Variants in BRF1 observed in about 807,000 individuals in gnomAD.
BRF1 encodes transcription factor IIIB 90 kDa subunit.
In BRF1, 59 loss-of-function variants were observed where a neutral mutation model predicts 81.7. The observed-to-expected ratio is 0.72, with a 90% CI of 0.59 to 0.90. BRF1 has a LOEUF of 0.90. Among genes scored for constraint, BRF1 ranks in the 40% least tolerant of loss-of-function variants. BRF1 has a pLI of 0.00. For synonymous variants in BRF1, 491 were observed against 395.6 expected, an observed-to-expected ratio of 1.24 and a Z score of -2.86; for missense variants, 1,050 against 936.3, an observed-to-expected ratio of 1.12 and a Z score of -1.58.
At chr14:105,288,176 C>G (rs587700800) in intron 1 of BRF1, among the ~76,000 whole-genome samples, 1 of 152,182 alleles carries the variant, frequency 6.6e-6, no homozygotes, top group Non-Finnish European at 1.5e-5. Context: ...GTAGAAGGTC[C>G]GGGCGCGGTG....
chr14:105,228,959 G>T, intron 6 of BRF1, 46 bp from the exon 7 acceptor site: 1 of 1,576,436 alleles, frequency 6.3e-7, no homozygotes. Context: ...CTGGGAACCA[G>T]GGCAACATCT....
At chr14:105,219,906 G>T (rs999618482) in intron 12 of BRF1, 163 bp downstream of exon 12, 10 of 733,916 alleles carry the variant, frequency 1.4e-5, no homozygotes, top group Non-Finnish European at 2.0e-5. Context: ...GAGTGTGGGG[G>T]GGGGTCCCGG....
intron 5 of BRF1, among the ~76,000 whole-genome samples, chr14:105,246,229 A>T (rs1292473754): frequency 6.6e-6 from 1 of 150,752 alleles, no homozygotes; most frequent in African/African-American, 2.4e-5. Context: ...CAAAAAAAAA[A>T]GGCAAAGCCC....
intron 5 of BRF1, among the ~76,000 whole-genome samples, chr14:105,246,213 C>T (rs921557567): frequency 1.4e-5 from 2 of 144,092 alleles, no homozygotes; most frequent in Non-Finnish European, 3.1e-5. Flanking sequence ...GAGTAAGACT[C>T]TGTCTCAAAA....
At chr14:105,289,706 G>A (rs1595475006) in intron 1 of BRF1, among the ~76,000 whole-genome samples, 1 of 152,174 alleles carries the variant, frequency 6.6e-6, no homozygotes, top group African/African-American at 2.4e-5. Flanking sequence ...TGCGATCTCG[G>A]CTCACTGCAA....
At position 105,248,563 on chromosome 14, in the gene BRF1, A is replaced by G. The variant is rs1227281327; in HGVS notation, c.544+3944T>C. On this transcript the variant is annotated intron_variant, in intron 5 of 17. Coordinates refer to ENST00000547530, the MANE Select transcript of BRF1 (RefSeq NM_001519.4). ...GTGACGCACCGGCGCCGCGGCGGGT[A>G]CGGGCTCGGGCGGGCGGGCGGGCGG... The G allele has an allele frequency of 7.3e-4, 193 of 263,596 alleles. No individual in the cohort carries two copies. The East Asian group carries it at 0.01, about 14-fold the overall frequency. 16.3% of individuals were successfully genotyped at this position (263,596 alleles called of 1,614,324 possible). A position where few individuals can be genotyped will look rare whatever the true frequency, so the allele number is the denominator to read the frequency against.
chr14:105,249,503 AC>A, intron 5 of BRF1: 1 of 1,455,260 alleles, frequency 6.9e-7, no homozygotes, highest in Non-Finnish European at 9.6e-7. Flanking sequence ...CTGGGGAGGG[AC>A]GGGTGGGTCC....
chr14:105,314,473 C>CGCCCCGGGCGGGGT (rs1456422512), intron 1 of BRF1: 269 of 149,572 alleles, frequency 1.8e-3, no homozygotes, highest in African/African-American at 6.4e-3. Flanking sequence ...CGGGGCGGGG[C>CGCCCCGGGCGGGGT]GCCCCGGGCG....
rs1266216842 is a variant in BRF1 at position 105,271,108 on chromosome 14, T to C, written c.439+1613A>G. Among the ~76,000 whole-genome samples the C allele has an allele frequency of 6.6e-6, 1 of 152,196 alleles. No homozygotes were observed. The highest frequency in any genetic ancestry group is 1.5e-5 in the Non-Finnish European group (1 of 68,032). The stretch of plus-strand genomic sequence containing the variant: ...AAAACATGAAAGAAATGAAACAGCC[T>C]GCTGGAAGCTAAAGTTCAGGTGCTG... On this transcript the variant is annotated intron_variant, in intron 3 of 17. Transcript: ENST00000547530. This position sits in a 1 kb window ranked among gnomAD's most constrained non-coding sequence, Gnocchi z 5.5.
chr14:105,298,667 G>A (rs915617479), intron 1 of BRF1, among the ~76,000 whole-genome samples: 4 of 150,222 alleles, frequency 2.7e-5, no homozygotes, highest in Non-Finnish European at 3.0e-5. Context: ...CCAGCCTGAC[G>A]AACAGGGTGA....
intron 2 of BRF1, among the ~76,000 whole-genome samples, chr14:105,280,382 G>A (rs2057019589): frequency 6.6e-6 from 1 of 152,242 alleles, no homozygotes; most frequent in African/African-American, 2.4e-5. Context: ...AAGGAGGGAT[G>A]AATGGGTGGA....
At chr14:105,268,126 C>T (rs145408434) in intron 3 of BRF1, among the ~76,000 whole-genome samples, 66 of 152,400 alleles carry the variant, frequency 4.3e-4, no homozygotes, top group Admixed American at 1.2e-3. Flanking sequence ...TGCCCTCTCA[C>T]ATGCAGGCCT....
intron 1 of BRF1, among the ~76,000 whole-genome samples, chr14:105,306,940 T>TG: frequency 6.6e-6 from 1 of 152,022 alleles, no homozygotes; most frequent in South Asian, 2.1e-4. Flanking sequence ...TTTGACATCT[T>TG]GGGGTCTCGT....
intron 1 of BRF1, among the ~76,000 whole-genome samples, chr14:105,288,098 G>A (rs587685436): frequency 6.6e-6 from 1 of 152,304 alleles, no homozygotes; most frequent in South Asian, 2.1e-4. Flanking sequence ...GTCACAACTG[G>A]GATCTATGTA....
Position 105,249,016 on chromosome 14 carries a change from C to G in BRF1, c.544+3491G>C, listed in dbSNP as rs1408264451. On this transcript the variant is annotated intron_variant, in intron 5 of 17. Coordinates refer to ENST00000547530, the MANE Select transcript of BRF1 (RefSeq NM_001519.4). Reference sequence around the variant, plus strand: ...GCGCCGCCGCCGCCCGCGCCCGCGCCGCCCACACTCGGCAACAACCACCAG... The same window carrying G: ...GCGCCGCCGCCGCCCGCGCCCGCGCGGCCCACACTCGGCAACAACCACCAG... The G allele has an allele frequency of 7.1e-6, 8 of 1,123,966 alleles. No homozygotes were observed. Among genetic ancestry groups the G allele is most frequent in the Non-Finnish European group, 8.7e-6 (8 of 920,856 alleles). 69.6% of individuals were successfully genotyped at this position (1,123,966 alleles called of 1,614,324 possible). A position where few individuals can be genotyped will look rare whatever the true frequency, so the allele number is the denominator to read the frequency against.
chr14:105,294,551 C>T (rs1443364585), intron 1 of BRF1, among the ~76,000 whole-genome samples: 2 of 152,218 alleles, frequency 1.3e-5, no homozygotes, highest in Non-Finnish European at 2.9e-5. Flanking sequence ...GCAACTGTGA[C>T]ACAGCTGCAA....
At chr14:105,248,962 C>A in intron 5 of BRF1, 4 of 979,580 alleles carry the variant, frequency 4.1e-6, no homozygotes, top group Non-Finnish European at 4.8e-6. Context: ...AAGGCCGGGC[C>A]GCGCAGCCCG....
At chr14:105,243,062 G>GGCTCA (rs1337085455) in intron 5 of BRF1, among the ~76,000 whole-genome samples, 13 of 152,148 alleles carry the variant, frequency 8.5e-5, no homozygotes, top group Non-Finnish European at 1.6e-4. Flanking sequence ...ATTGCAGTGA[G>GGCTCA]CCAAGATCAT....
rs587601622 is a variant in BRF1, at chr14:105,227,133, T to C, written c.789-373A>G. 3.0e-5 allele frequency: 7 copies of C among 236,356 alleles called. No homozygotes were observed. The South Asian group carries it at 3.6e-4, about 12-fold the overall frequency. 14.6% of individuals were successfully genotyped at this position (236,356 alleles called of 1,614,324 possible). A position where few individuals can be genotyped will look rare whatever the true frequency, so the allele number is the denominator to read the frequency against. On this transcript the variant is annotated intron_variant, in intron 7 of 17. Coordinates refer to ENST00000547530, the MANE Select transcript of BRF1 (RefSeq NM_001519.4). ...TTTGTCTCAAAAAATACATAAAAAA[T>C]AAAAGGCCAGGTGCTGTGGCTCATG...
Sources: gnomAD v4.1 joint callset for allele counts (sites outside exome capture counted in the v4.1 genomes callset) on GRCh38, gnomAD v4.1.1 for gene constraint, Gnocchi (gnomAD v3.1) non-coding constraint, MANE v1.5 for transcripts, NCBI Gene and HGNC (gene_info 2026-07-23, HGNC 2026-07-21) for gene names.